Variants in DIP2C observed in about 807,000 individuals in gnomAD.
The protein encoded by DIP2C is disco-interacting protein 2 homolog C.
A neutral mutation model predicts 192.4 loss-of-function variants in DIP2C; 33 were observed. The observed-to-expected ratio is 0.17, with a 90% CI of 0.13 to 0.23. The LOEUF is 0.23. DIP2C is among the 10% of genes least tolerant of loss of function. The pLI, the probability that DIP2C is intolerant of heterozygous loss-of-function variation, is 1.00. For synonymous variants in DIP2C, 979 were observed against 864.1 expected, an observed-to-expected ratio of 1.13 and a Z score of -2.33; for missense variants, 1,537 against 2,110.1, an observed-to-expected ratio of 0.73 and a Z score of 5.32.
chr10:531,645 C>T (rs1213911248), intron 1 of DIP2C, among the ~76,000 whole-genome samples: 1 of 152,152 alleles, frequency 6.6e-6, no homozygotes, highest in Admixed American at 6.5e-5. Flanking sequence ...AAACCCACAC[C>T]ATAGGGCCCT....
At chr10:523,784 G>A (rs186351183) in intron 1 of DIP2C, among the ~76,000 whole-genome samples, 58 of 149,108 alleles carry the variant, frequency 3.9e-4, no homozygotes, top group African/African-American at 1.3e-3. Flanking sequence ...TCCACCTGAC[G>A]CAAAGGACCC....
intron 31 of DIP2C, 65 bp downstream of exon 31, chr10:326,941 T>G: frequency 6.5e-7 from 1 of 1,538,866 alleles, no homozygotes; most frequent in Non-Finnish European, 8.8e-7. Context: ...GTGGAGCCAG[T>G]CTGTGCTGTA....
chr10:509,415 G>A lies in DIP2C; in HGVS notation c.86-22885C>T, dbSNP rs532802619. On this transcript the variant is annotated intron_variant, in intron 1 of 36. Coordinates refer to ENST00000280886, the MANE Select transcript of DIP2C (RefSeq NM_014974.3). The stretch of plus-strand genomic sequence containing the variant: ...ACCAGGTCCTTCCCTGGATCCATCC[G>A]CGCTGCTCCCCCTCCCACCCCGAGG... Among the ~76,000 whole-genome samples, 23 of 152,258 alleles carry A rather than the reference G, an allele frequency of 1.5e-4. No homozygotes were observed. In the South Asian group the frequency reaches 2.5e-3, roughly 16 times the overall value.
intron 32 of DIP2C, among the ~76,000 whole-genome samples, chr10:289,097 CTTCA>C (rs1955327886): frequency 6.6e-6 from 1 of 152,340 alleles, no homozygotes; most frequent in African/African-American, 2.4e-5. Context: ...CCATCACACT[CTTCA>C]TTCACCTAAG....
chr10:304,946 ACAC>A (rs1956239471), intron 32 of DIP2C, among the ~76,000 whole-genome samples: 1 of 152,222 alleles, frequency 6.6e-6, no homozygotes, highest in African/African-American at 2.4e-5. Flanking sequence ...GTATGCACAC[ACAC>A]GACACGTGCA....
intron 1 of DIP2C, among the ~76,000 whole-genome samples, chr10:681,011 A>T (rs1831109886): frequency 6.6e-6 from 1 of 151,348 alleles, no homozygotes; most frequent in African/African-American, 2.4e-5. Flanking sequence ...ATTCCAAGGA[A>T]TGCAGGCCCC....
intron 1 of DIP2C, among the ~76,000 whole-genome samples, chr10:639,477 T>C (rs1039508122): frequency 1.3e-5 from 2 of 149,362 alleles, no homozygotes; most frequent in Non-Finnish European, 3.0e-5. Context: ...GGTCCACACA[T>C]GGGGATGTGT....
chr10:539,847 C>CTGTTCTATGT (rs1564831020), intron 1 of DIP2C, among the ~76,000 whole-genome samples: 1 of 152,142 alleles, frequency 6.6e-6, no homozygotes, highest in Non-Finnish European at 1.5e-5. Context: ...CATAGAATAA[C>CTGTTCTATGT]AGGATAAAGC....
In DIP2C at chr10:399,127, C is replaced by T. The variant is rs1425368536; in HGVS notation, c.1242G>A (p.Glu414=). The change falls in exon 10 of 37, where the codon GAG becomes GAA. Residue 414 remains glutamate, a synonymous_variant. Coordinates refer to ENST00000280886, the MANE Select transcript of DIP2C (RefSeq NM_014974.3). The part of the protein sequence containing the change: ...LLAEVVPVPI[E]VPLTRKDAGS... ...TCCTTACCTTCCTGGTGAGCGGCAC[C>T]TCGATGGGCACGGGGACCACCTCGG... 1.2e-6 allele frequency: 2 copies of T among 1,613,748 alleles called. No homozygotes were observed. Among genetic ancestry groups the T allele is most frequent in the Admixed American group, 3.3e-5 (2 of 60,018 alleles).
chr10:509,797 C>G (rs2130763024), intron 1 of DIP2C, among the ~76,000 whole-genome samples: 1 of 152,078 alleles, frequency 6.6e-6, no homozygotes, highest in East Asian at 1.9e-4. Flanking sequence ...TCCTCCCAGC[C>G]CACGCTTCGG....
chr10:677,569 A>G (rs1434262606), intron 1 of DIP2C, among the ~76,000 whole-genome samples: 1 of 152,200 alleles, frequency 6.6e-6, no homozygotes, highest in Non-Finnish European at 1.5e-5. Context: ...TTGTTCCTTT[A>G]TGTTACTTTT....
intron 2 of DIP2C, among the ~76,000 whole-genome samples, chr10:483,315 G>A (rs1843745017): frequency 6.6e-6 from 1 of 152,354 alleles, no homozygotes; most frequent in Non-Finnish European, 1.5e-5. Flanking sequence ...TGTTTTCCAC[G>A]AAGATCCTGC....
In DIP2C at chr10:416,002, T is replaced by C. The variant is rs112425121; in HGVS notation, c.740-114A>G. 4.3e-5 allele frequency: 64 copies of C among 1,489,302 alleles called. No individual in the cohort carries two copies. The African/African-American group carries it at 8.1e-4, about 19-fold the overall frequency. 92.3% of individuals were successfully genotyped at this position (1,489,302 alleles called of 1,614,324 possible). ...AGCGCGGCTACAACAGGCTGCATCC[T>C]AGATGCGATCCTGGGAAGGGCCCGA... On this transcript the variant is annotated intron_variant, in intron 6 of 36. Transcript: ENST00000280886.
chr10:619,377 G>A lies in DIP2C; in HGVS notation c.85+70117C>T, dbSNP rs374038621. On this transcript the variant is annotated intron_variant, in intron 1 of 36. Coordinates refer to ENST00000280886, the MANE Select transcript of DIP2C (RefSeq NM_014974.3). Reference sequence around the variant, plus strand: ...CAGGGCTGGCTCCGGGGAAGCGACCGTCTCCTTGCCTCCCTCAGCCTCTAG... The same window carrying A: ...CAGGGCTGGCTCCGGGGAAGCGACCATCTCCTTGCCTCCCTCAGCCTCTAG... Among the ~76,000 whole-genome samples, 237 of 152,312 alleles carry A rather than the reference G, an allele frequency of 1.6e-3. 4 individuals carry two copies. The South Asian group carries it at 0.016, about 10-fold the overall frequency.
intron 1 of DIP2C, among the ~76,000 whole-genome samples, chr10:499,538 G>A (rs1410244325): frequency 6.6e-6 from 1 of 152,208 alleles, no homozygotes; most frequent in Non-Finnish European, 1.5e-5. Context: ...GTGTGCGAGG[G>A]GGAGGACAGG....
At chr10:458,706 G>A (rs565236363) in intron 3 of DIP2C, among the ~76,000 whole-genome samples, 8 of 149,360 alleles carry the variant, frequency 5.4e-5, no homozygotes, top group African/African-American at 2.0e-4. Flanking sequence ...CAGAGTGCTC[G>A]GAACCCATGA....
At chr10:585,139 C>T (rs751275905) in intron 1 of DIP2C, among the ~76,000 whole-genome samples, 6 of 152,180 alleles carry the variant, frequency 3.9e-5, no homozygotes, top group Non-Finnish European at 8.8e-5. Context: ...AACAAGGGTA[C>T]TTTTCCCTCA....
At chr10:547,940 A>T (rs1271810361) in intron 1 of DIP2C, among the ~76,000 whole-genome samples, 1 of 151,232 alleles carries the variant, frequency 6.6e-6, no homozygotes, top group Non-Finnish European at 1.5e-5. Context: ...TCTCATTTCC[A>T]CCTGCAGGGA....
At chr10:649,642 G>C (rs760768670) in intron 1 of DIP2C, among the ~76,000 whole-genome samples, 56 of 152,296 alleles carry the variant, frequency 3.7e-4, no homozygotes, top group African/African-American at 1.3e-3. Flanking sequence ...CCATTCATTG[G>C]GGGAAGTCGG....
Sources: gnomAD v4.1 joint callset for allele counts (sites outside exome capture counted in the v4.1 genomes callset) on GRCh38, gnomAD v4.1.1 for gene constraint, MANE v1.5 for transcripts, NCBI Gene and HGNC (gene_info 2026-07-23, HGNC 2026-07-21) for gene names.